Variants in DGKI observed in about 807,000 individuals in gnomAD.
DGKI encodes the protein DAG kinase iota.
DGKI carries 55 observed loss-of-function variants against 147.5 expected under a neutral mutation model. The ratio of observed to expected loss-of-function variants is 0.37; its 90% confidence interval spans 0.30 to 0.47. The LOEUF is 0.47. Ranked by LOEUF, DGKI falls within the 20% of genes least tolerant of loss-of-function variation. DGKI has a pLI of 1.00. For missense variants in DGKI, 1,007 were observed against 1,323.8 expected (o/e 0.76, Z 3.71); for synonymous variants, 469 against 477.1 (o/e 0.98, Z 0.22).
chr7:137,526,181 T>G (rs1050322167), intron 20 of DGKI, among the ~76,000 whole-genome samples: 3 of 152,102 alleles, frequency 2.0e-5, no homozygotes, highest in African/African-American at 7.2e-5. Context: ...TTAAATTTTG[T>G]CTGGGAAGTT....
rs767278940 is a variant in DGKI, at chr7:137,619,890, G to A, written c.927C>T (p.Cys309=). The change falls in exon 8 of 33, where the codon TGC becomes TGT. Residue 309 remains cysteine, a synonymous_variant. Coordinates refer to ENST00000614521, the MANE Select transcript of DGKI (RefSeq NM_001321708.2). ...CFMLHHIEEP[C]SLGAHAAVIV... is the part of the protein sequence containing the mutation. ...TAACAGCAGCATGAGCCCCCAGGGA[G>A]CAGGGTTCTTCAATGTGATGCAGCA... is the stretch of plus-strand genomic sequence containing the variant. The A allele has an allele frequency of 6.2e-7, 1 of 1,614,050 alleles. No homozygotes were observed. Among genetic ancestry groups the A allele is most frequent in the South Asian group, 1.1e-5 (1 of 91,074 alleles).
intron 1 of DGKI, among the ~76,000 whole-genome samples, chr7:137,769,419 A>G (rs1324026788): frequency 6.6e-6 from 1 of 152,252 alleles, no homozygotes; most frequent in Non-Finnish European, 1.5e-5. Flanking sequence ...GAGTGATAAC[A>G]ATTAAGAATT....
chr7:137,413,125 C>T (rs1384289043), intron 28 of DGKI, among the ~76,000 whole-genome samples: 1 of 151,894 alleles, frequency 6.6e-6, no homozygotes, highest in Admixed American at 6.6e-5. Context: ...CAGAAATTAG[C>T]CAGAGTGGTG....
chr7:137,827,378 C>A (rs1704579567), intron 1 of DGKI, among the ~76,000 whole-genome samples: 1 of 152,194 alleles, frequency 6.6e-6, no homozygotes, highest in African/African-American at 2.4e-5. Context: ...ATCTTCCACT[C>A]TATCCTTATG....
At chr7:137,764,854 T>C (rs1795962379) in intron 1 of DGKI, among the ~76,000 whole-genome samples, 1 of 152,148 alleles carries the variant, frequency 6.6e-6, no homozygotes, top group Non-Finnish European at 1.5e-5. Context: ...CTCCAATCTC[T>C]TCCTCCAGTA....
intron 3 of DGKI, among the ~76,000 whole-genome samples, chr7:137,666,160 A>G (rs1822632696): frequency 6.6e-6 from 1 of 152,246 alleles, no homozygotes; most frequent in Admixed American, 6.5e-5. Context: ...GTACCAAATC[A>G]CACTCTTAAA....
chr7:137,786,754 G>A (rs560027189), intron 1 of DGKI, among the ~76,000 whole-genome samples: 48 of 151,704 alleles, frequency 3.2e-4, no homozygotes, highest in African/African-American at 9.9e-4. Context: ...GGAAAACAGC[G>A]TGGTACTGGT....
chr7:137,453,034 C>T (rs1814038494), intron 27 of DGKI: 1 of 152,214 alleles, frequency 6.6e-6, no homozygotes, highest in Non-Finnish European at 1.5e-5. Flanking sequence ...GGCATTCTCT[C>T]CAGGCACATT....
chr7:137,843,274 A>T (rs1321858377), intron 1 of DGKI: 1 of 239,294 alleles, frequency 4.2e-6, no homozygotes, highest in Non-Finnish European at 6.7e-6. Context: ...TTCTTACAGC[A>T]GTTTAAAAAA....
intron 28 of DGKI, among the ~76,000 whole-genome samples, chr7:137,439,392 G>A (rs915629030): frequency 6.6e-6 from 1 of 152,148 alleles, no homozygotes; most frequent in African/African-American, 2.4e-5. Context: ...GGCTGGGGAG[G>A]CCTCACAATC....
At chr7:137,395,985 G>T in intron 31 of DGKI, 2 of 380,434 alleles carry the variant, frequency 5.3e-6, no homozygotes, top group Non-Finnish European at 4.9e-6. Context: ...GATAGTCAAT[G>T]CAGTATTAAA....
intron 1 of DGKI, among the ~76,000 whole-genome samples, chr7:137,785,696 C>T (rs987264328): frequency 1.3e-5 from 2 of 152,040 alleles, no homozygotes; most frequent in Non-Finnish European, 2.9e-5. Context: ...GACCAATACC[C>T]TTGATCAACA....
At chr7:137,606,504 G>A (rs969242233) in intron 10 of DGKI, among the ~76,000 whole-genome samples, 1 of 152,132 alleles carries the variant, frequency 6.6e-6, no homozygotes, top group African/African-American at 2.4e-5. Context: ...TCTCTGAGCA[G>A]CAGTCTCAGC....
chr7:137,815,525 T>G (rs1797712386), intron 1 of DGKI, among the ~76,000 whole-genome samples: 1 of 152,248 alleles, frequency 6.6e-6, no homozygotes. Context: ...ATGATACATT[T>G]ATTCTCCCAA....
chr7:137,548,517 T>C lies in DGKI; in HGVS notation c.2147+3852A>G, dbSNP rs563634243. On this transcript the variant is annotated intron_variant, in intron 20 of 32. Coordinates refer to ENST00000614521, the MANE Select transcript of DGKI (RefSeq NM_001321708.2). ...GAGTATGGTGCCTCCCCCGTCTCTC[T>C]TGCTCTCTCTCCCACCATATGATAT... 1.3e-4 allele frequency among the ~76,000 whole-genome samples: 19 copies of C among 151,742 alleles called. No individual in the cohort carries two copies. In the South Asian group the frequency reaches 3.8e-3, roughly 30 times the overall value.
chr7:137,706,888 A>T (rs975132636), intron 1 of DGKI, among the ~76,000 whole-genome samples: 3 of 152,120 alleles, frequency 2.0e-5, no homozygotes, highest in African/African-American at 4.8e-5. Flanking sequence ...CCCTTATTTT[A>T]AATAATTCTC....
intron 17 of DGKI, among the ~76,000 whole-genome samples, chr7:137,575,255 A>C (rs1336159959): frequency 6.6e-6 from 1 of 152,212 alleles, no homozygotes; most frequent in Non-Finnish European, 1.5e-5. Context: ...TAATTTATAT[A>C]AACATTCCAC....
Position 137,833,542 on chromosome 7 carries a change from T to G in DGKI, c.401+12920A>C, listed in dbSNP as rs139625705. On this transcript the variant is annotated intron_variant, in intron 1 of 32. Transcript: ENST00000614521. Reference sequence around the variant, plus strand: ...ACACATGGGAATTATGAGAGTACAATTCAAGATGAGATTTGGGTGGGGACA... The same window carrying G: ...ACACATGGGAATTATGAGAGTACAAGTCAAGATGAGATTTGGGTGGGGACA... Among the ~76,000 whole-genome samples, 1,213 of 152,266 alleles carry G rather than the reference T, an allele frequency of 8.0e-3. 9 individuals carry two copies. The highest frequency in any genetic ancestry group is 0.027 in the African/African-American group (1,119 of 41,542).
chr7:137,382,377 G>A lies in DGKI; in HGVS notation c.*8843C>T, dbSNP rs977371919. 6.6e-6 allele frequency: 1 copy of A among 151,938 alleles called. No individual in the cohort carries two copies. The highest frequency in any genetic ancestry group is 2.4e-5 in the African/African-American group (1 of 41,374). 9.4% of individuals were successfully genotyped at this position (151,938 alleles called of 1,614,324 possible). A position where few individuals can be genotyped will look rare whatever the true frequency, so the allele number is the denominator to read the frequency against. ...CAAACTTTATCAGGGACCAGAACAA[G>A]TTTGTGGACAGGCATAATGTATTAT... is the stretch of plus-strand genomic sequence containing the variant. On this transcript the variant is annotated 3_prime_UTR_variant, in exon 33 of 33. Coordinates refer to ENST00000614521, the MANE Select transcript of DGKI (RefSeq NM_001321708.2).
Sources: gnomAD v4.1 joint callset for allele counts (sites outside exome capture counted in the v4.1 genomes callset) on GRCh38, gnomAD v4.1.1 for gene constraint, MANE v1.5 for transcripts, NCBI Gene and HGNC (gene_info 2026-07-23, HGNC 2026-07-21) for gene names.